The following GHITM variants were observed in gnomAD, a reference collection of about 807,000 sequenced individuals.
The protein encoded by GHITM is growth hormone-inducible transmembrane protein.
In GHITM, 24 loss-of-function variants were observed where a neutral mutation model predicts 38.7. The observed-to-expected ratio is 0.62, with a 90% CI of 0.45 to 0.87. The LOEUF (loss-of-function observed/expected upper bound fraction) is 0.87, where lower values mean the gene tolerates loss of function less well. Among genes scored for constraint, GHITM ranks in the 40% least tolerant of loss-of-function variants. GHITM has a pLI of 0.00. For missense variants in GHITM, 420 were observed against 429.8 expected (o/e 0.98, Z 0.20); for synonymous variants, 154 against 147.8 (o/e 1.04, Z -0.30).
At position 84,152,399 on chromosome 10, in the gene GHITM, G is replaced by A. The variant is rs1841621582; in HGVS notation, c.*51G>A. 1.0e-6 allele frequency: 1 copy of A among 957,124 alleles called. No homozygotes were observed. The highest frequency in any genetic ancestry group is 1.7e-6 in the Non-Finnish European group (1 of 596,294). The allele number at this position is 957,124 out of a possible 1,614,324, so 59.3% of individuals were successfully genotyped here. A position where few individuals can be genotyped will look rare whatever the true frequency, so the allele number is the denominator to read the frequency against. ...CTACATCAAATATCTTGTTTAATGG[G>A]GCAGATATGCATTAAATAGTTTGTA... On this transcript the variant is annotated 3_prime_UTR_variant, in exon 9 of 9. Coordinates refer to ENST00000372134, the MANE Select transcript of GHITM (RefSeq NM_014394.3).
chr10:84,145,381 C>T (rs537726916), intron 5 of GHITM, among the ~76,000 whole-genome samples: 2 of 152,292 alleles, frequency 1.3e-5, no homozygotes, highest in Non-Finnish European at 1.5e-5. Flanking sequence ...TGTATTAGTG[C>T]AGCTGAGATA....
rs766979188 is a variant in GHITM at position 84,150,895 on chromosome 10, TTA to T, written c.953+17_953+18del. The T allele has an allele frequency of 1.3e-6, 2 of 1,540,832 alleles. No individual in the cohort carries two copies. Among genetic ancestry groups the T allele is most frequent in the Admixed American group, 3.3e-5 (2 of 59,882 alleles). Reference sequence around the variant, plus strand: ...CCCATTAACTCGTAAGTAATGCTTTTTATTTAACACTGTTACTCTGTCACATA... The same window carrying T: ...CCCATTAACTCGTAAGTAATGCTTTTTTTAACACTGTTACTCTGTCACATA... On this transcript the variant is annotated intron_variant, in intron 8 of 8. Coordinates refer to ENST00000372134, the MANE Select transcript of GHITM (RefSeq NM_014394.3).
intron 4 of GHITM, 24 bp from the exon 5 acceptor site, chr10:84,144,851 T>C (rs1292320739): frequency 6.6e-7 from 1 of 1,525,962 alleles, no homozygotes; most frequent in South Asian, 1.2e-5. Flanking sequence ...ATTTCATAGA[T>C]TAATCATGTC....
intron 8 of GHITM, among the ~76,000 whole-genome samples, chr10:84,151,239 C>A (rs1332993035): frequency 6.6e-6 from 1 of 152,122 alleles, no homozygotes; most frequent in Non-Finnish European, 1.5e-5. Context: ...ATTAGGATTT[C>A]ATTATATTTT....
rs753713193 is a variant in GHITM, at chr10:84,150,043, C to T, written c.593-12C>T. 3 of 1,490,018 alleles carry T rather than the reference C, an allele frequency of 2.0e-6. No individual in the cohort carries two copies. The highest frequency in any genetic ancestry group is 2.8e-5 in the South Asian group (2 of 72,498). The allele number at this position is 1,490,018 out of a possible 1,614,324, so 92.3% of individuals were successfully genotyped here. On this transcript the variant is annotated splice_polypyrimidine_tract_variant and intron_variant, in intron 6 of 8. Transcript: ENST00000372134. ...TTAGTAAATACTTAATGAGCACTTC[C>T]TCTTTCTCCAGGTGTGATGGGTGCA...
At chr10:84,142,780 C>A in intron 3 of GHITM, 26 bp downstream of exon 3, 1 of 1,240,970 alleles carries the variant, frequency 8.1e-7, no homozygotes, top group Non-Finnish European at 1.2e-6. Context: ...TAGTTTTTAA[C>A]CTAGAATCTA....
At chr10:84,147,966 A>G (rs542059374) in intron 5 of GHITM, among the ~76,000 whole-genome samples, 12 of 152,284 alleles carry the variant, frequency 7.9e-5, no homozygotes, top group South Asian at 2.1e-4. Flanking sequence ...GTGATGTGCT[A>G]TATATATTTT....
At chr10:84,150,372 G>C (rs994478137) in intron 7 of GHITM, 129 bp downstream of exon 7, 45 of 713,052 alleles carry the variant, frequency 6.3e-5, no homozygotes, top group Non-Finnish European at 1.1e-5. Flanking sequence ...AATTTGACTG[G>C]ATTTTACTAC....
chr10:84,140,860 C>T (rs1261813620), intron 1 of GHITM, among the ~76,000 whole-genome samples: 1 of 152,068 alleles, frequency 6.6e-6, no homozygotes, highest in Non-Finnish European at 1.5e-5. Context: ...ATGTCCTTTA[C>T]GCATTATAGT....
Position 84,150,803 on chromosome 10 carries a change from G to C in GHITM, c.876G>C (p.Leu292=). ...GGLVLFSMFL[L]YDTQKVIKRA... is the part of the protein sequence containing the mutation. ...TAGTTCTTTTCAGCATGTTCCTTCT[G>C]TATGATACCCAGAAAGTAATCAAGC... The change falls in exon 8 of 9, where the codon CTG becomes CTC. Residue 292 remains leucine, a synonymous_variant. Transcript: ENST00000372134. 6.2e-7 allele frequency: 1 copy of C among 1,612,574 alleles called. No individual in the cohort carries two copies. The highest frequency in any genetic ancestry group is 1.1e-5 in the South Asian group (1 of 91,044).
intron 6 of GHITM, 125 bp downstream of exon 6, chr10:84,148,963 GTCATTACT>G: frequency 1.5e-6 from 1 of 661,832 alleles, no homozygotes; most frequent in Non-Finnish European, 2.8e-6. Flanking sequence ...ATTTTCTTCA[GTCATTACT>G]GGCTGCATTA....
intron 5 of GHITM, among the ~76,000 whole-genome samples, chr10:84,148,521 T>C: frequency 6.6e-6 from 1 of 152,124 alleles, no homozygotes; most frequent in East Asian, 1.9e-4. Context: ...GTCTCAAACT[T>C]CTGACCTCAG....
At chr10:84,140,394 A>G (rs945894879) in intron 1 of GHITM, 2 of 152,318 alleles carry the variant, frequency 1.3e-5, no homozygotes, top group Middle Eastern at 3.4e-3. Flanking sequence ...GTTAAAACAC[A>G]CGTTCTTGGT....
At chr10:84,152,141 C>G in intron 8 of GHITM, 123 bp from the exon 9 acceptor site, 3 of 568,374 alleles carry the variant, frequency 5.3e-6, no homozygotes, top group Non-Finnish European at 9.2e-6. Flanking sequence ...AGTTAAACAT[C>G]TTATTTTTAA....
In GHITM at chr10:84,150,198, G is replaced by A. The variant is rs1218281453; in HGVS notation, c.736G>A (p.Ala246Thr). The A allele has an allele frequency of 9.3e-6, 15 of 1,613,220 alleles. No homozygotes were observed. Among genetic ancestry groups the A allele is most frequent in the Non-Finnish European group, 1.2e-5 (14 of 1,179,778 alleles). ...CAGTGAAAAGTTTCTGAACATGGGT[G>A]CACCCCTGGGAGTGGGCCTGGGTCT... ...APSEKFLNMG[A>T]PLGVGLGLVF... The change falls in exon 7 of 9, where the codon GCA (alanine) becomes ACA (threonine). Residue 246 changes from alanine to threonine, a missense_variant. Physicochemically the swap from Ala to Thr is moderately conservative, Grantham distance 58. Coordinates refer to ENST00000372134, the MANE Select transcript of GHITM (RefSeq NM_014394.3).
intron 5 of GHITM, among the ~76,000 whole-genome samples, chr10:84,145,738 G>A (rs1201201474): frequency 6.6e-6 from 1 of 152,180 alleles, no homozygotes; most frequent in East Asian, 1.9e-4. Context: ...CTATTCTCCT[G>A]CTATTTGGTA....
chr10:84,143,862 A>G, intron 3 of GHITM, 133 bp from the exon 4 acceptor site: 2 of 635,172 alleles, frequency 3.1e-6, no homozygotes, highest in Non-Finnish European at 5.7e-6. Context: ...CATTGAGGCA[A>G]TTTCTGTACC....
chr10:84,149,816 A>G (rs1173399975), intron 6 of GHITM, among the ~76,000 whole-genome samples: 1 of 152,172 alleles, frequency 6.6e-6, no homozygotes, highest in Non-Finnish European at 1.5e-5. Context: ...AAATAAGTAG[A>G]TTAGTGTTTG....
rs1288593155 is a variant in GHITM, at chr10:84,144,929, A to G, written c.396A>G (p.Ala132=). ...TTCATTCCACCTATATGTACTTAGC[A>G]GGGAGTATTGGTTTAACAGCTTTGT... ...DRIHSTYMYL[A]GSIGLTALSA... is the part of the protein sequence containing the mutation. Residue 132 remains alanine, a synonymous_variant, in exon 5 of 9, where the codon GCA becomes GCG. Coordinates refer to ENST00000372134, the MANE Select transcript of GHITM (RefSeq NM_014394.3). 15 of 1,610,582 alleles carry G rather than the reference A, an allele frequency of 9.3e-6. No homozygotes were observed. Among genetic ancestry groups the G allele is most frequent in the Non-Finnish European group, 1.1e-5 (13 of 1,177,170 alleles).
Sources: allele counts gnomAD v4.1 joint callset (sites outside exome capture counted in the v4.1 genomes callset), GRCh38; gene constraint gnomAD v4.1.1; transcripts MANE v1.5; gene names NCBI Gene and HGNC (gene_info 2026-07-23, HGNC 2026-07-21).